Variants in MEG3 observed in about 807,000 individuals in gnomAD.
MEG3 encodes maternally expressed 3.
At chr14:100,852,935 C>T (rs1189546368), upstream of MEG3, 1 of 155,046 alleles carries the variant, frequency 6.4e-6, no homozygotes, top group Non-Finnish European at 1.4e-5. Flanking sequence ...TTCTGTGTGT[C>T]CTTTTGGAAA....
chr14:100,855,986 T>C (rs1179130373), upstream of MEG3: 1 of 152,146 alleles, frequency 6.6e-6, no homozygotes, highest in Non-Finnish European at 1.5e-5. Flanking sequence ...GGTTCCAAGA[T>C]GAGTGGCTGC....
chr14:100,838,563 A>G (rs2037658308), intron 2 of MEG3, among the ~76,000 whole-genome samples: 1 of 152,240 alleles, frequency 6.6e-6, no homozygotes, highest in South Asian at 2.1e-4. Context: ...CCTGAGCCAT[A>G]GCGGGTGGAG....
At chr14:100,855,008 TCA>T (rs1281649523), upstream of MEG3, 1 of 152,688 alleles carries the variant, frequency 6.5e-6, no homozygotes, top group Non-Finnish European at 1.5e-5. Context: ...CACAGGTCAG[TCA>T]CAGCCATTTA....
Position 100,845,622 on chromosome 14 carries a change from G to A in MEG3, n.3121+89G>A, listed in dbSNP as rs1425718906. The A allele has an allele frequency of 1.5e-5, 6 of 406,870 alleles. No homozygotes were observed. Among genetic ancestry groups the A allele is most frequent in the South Asian group, 3.5e-5 (2 of 56,588 alleles). The allele number at this position is 406,870 out of a possible 1,614,324, so 25.2% of individuals were successfully genotyped here. On this transcript the variant is annotated intron_variant and non_coding_transcript_variant, in intron 3 of 3. Coordinates refer to the MEG3 transcript ENST00000398461. This position sits in a 1 kb window ranked among gnomAD's most constrained non-coding sequence, Gnocchi z 5.2. Reference sequence around the variant, plus strand: ...CGGAGCACACCGCCAGGCGGACCTCGTGGAGGGGCTGGCGGGCACTGGCCG... The same window carrying A: ...CGGAGCACACCGCCAGGCGGACCTCATGGAGGGGCTGGCGGGCACTGGCCG...
At chr14:100,836,008 T>C in intron 1 of MEG3, 1 of 349,098 alleles carries the variant, frequency 2.9e-6, no homozygotes. Context: ...CCGTTGCTGC[T>C]TTGCACCTTT....
Position 100,836,086 on chromosome 14 carries a change from G to T in MEG3, n.2912-81G>T, listed in dbSNP as rs189014857. 1.8e-5 allele frequency: 7 copies of T among 393,214 alleles called. No homozygotes were observed. The East Asian group carries it at 4.4e-4, about 25-fold the overall frequency. 24.4% of individuals were successfully genotyped at this position (393,214 alleles called of 1,614,324 possible). On this transcript the variant is annotated intron_variant and non_coding_transcript_variant, in intron 1 of 3. Transcript: ENST00000398461. ...AAAAGTAAACTGCAGGTGAGGCCGT[G>T]CCCCGAGTCTTTCTTCGGTGTGTTT... is the stretch of plus-strand genomic sequence containing the variant.
intron 3 of MEG3, chr14:100,849,659 G>C (rs753303096): frequency 6.6e-6 from 1 of 152,344 alleles, no homozygotes; most frequent in Non-Finnish European, 1.5e-5. Context: ...ACGAATACGT[G>C]GGTGTATCTG....
At chr14:100,843,474 G>A (rs954021937) in intron 2 of MEG3, among the ~76,000 whole-genome samples, 3 of 152,038 alleles carry the variant, frequency 2.0e-5, no homozygotes, top group East Asian at 1.9e-4. Flanking sequence ...AACCGAAGTC[G>A]GCCCCTCAGT....
chr14:100,834,709 G>A (rs780401873), exon 1 of MEG3: 1 of 456,570 alleles, frequency 2.2e-6, no homozygotes, highest in East Asian at 6.9e-5. Flanking sequence ...GCCTGGCACA[G>A]AGTGGGGCTC....
chr14:100,831,164 T>C (rs2037386463), downstream of MEG3: 2 of 152,994 alleles, frequency 1.3e-5, no homozygotes, highest in East Asian at 3.9e-4. Flanking sequence ...CACAACTCCC[T>C]GTCCTGAGCC....
At chr14:100,855,365 C>T (rs1221971497), upstream of MEG3, 2 of 152,158 alleles carry the variant, frequency 1.3e-5, no homozygotes, top group Non-Finnish European at 2.9e-5. Flanking sequence ...GTAGCTGCCT[C>T]CTCCGGGGTT....
chr14:100,837,788 A>T lies in MEG3; in HGVS notation n.3045+1488A>T, dbSNP rs920247445. Among the ~76,000 whole-genome samples, 3 of 151,974 alleles carry T rather than the reference A, an allele frequency of 2.0e-5. No homozygotes were observed. Among genetic ancestry groups the T allele is most frequent in the African/African-American group, 7.3e-5 (3 of 41,360 alleles). On this transcript the variant is annotated intron_variant and non_coding_transcript_variant, in intron 2 of 3. Transcript: ENST00000398461. The surrounding 1 kb of genome is among the most constrained non-coding windows in gnomAD (Gnocchi z 5.8). ...ACTTCTCCCCTGAAATTGAAATGGGATGGGGATATTATTTTTAAACAAAAT... is the reference window on the plus strand; with the variant it reads ...ACTTCTCCCCTGAAATTGAAATGGGTTGGGGATATTATTTTTAAACAAAAT...
chr14:100,840,493 G>A (rs532720732), intron 2 of MEG3, among the ~76,000 whole-genome samples: 1 of 123,974 alleles, frequency 8.1e-6, no homozygotes, highest in Non-Finnish European at 1.8e-5. Context: ...TCAATGGAAG[G>A]TGCCTTTTTT....
chr14:100,829,373 T>C (rs1244574078), downstream of MEG3: 1 of 152,158 alleles, frequency 6.6e-6, no homozygotes, highest in Admixed American at 6.5e-5. Flanking sequence ...AAGGATCCCT[T>C]TGGGAAATTC....
chr14:100,852,585 C>G, upstream of MEG3: 3 of 362,420 alleles, frequency 8.3e-6, no homozygotes, highest in South Asian at 6.1e-5. Flanking sequence ...GAAGCTTCTC[C>G]CTGACAAGCT....
At chr14:100,850,806 C>T (rs1412324427) in intron 3 of MEG3, 3 of 152,128 alleles carry the variant, frequency 2.0e-5, no homozygotes, top group Non-Finnish European at 4.4e-5. Flanking sequence ...TTACTGAAGT[C>T]CATAAACAAA....
At position 100,846,773 on chromosome 14, in the gene MEG3, T is replaced by C. The variant is rs565200337; in HGVS notation, n.3121+1240T>C. On this transcript the variant is annotated intron_variant and non_coding_transcript_variant, in intron 3 of 3. Transcript: ENST00000398461. ...AGAAAAAAACCAGTGAATCACTAAG[T>C]AATAGGGCAACACACAAAGCGATAT... The C allele has an allele frequency of 2.0e-4, 30 of 152,292 alleles. No homozygotes were observed. The Middle Eastern group carries it at 0.01, about 52-fold the overall frequency. 9.4% of individuals were successfully genotyped at this position (152,292 alleles called of 1,614,324 possible). A position where few individuals can be genotyped will look rare whatever the true frequency, so the allele number is the denominator to read the frequency against.
At chr14:100,847,808 T>A (rs1250274532) in intron 3 of MEG3, 1 of 152,016 alleles carries the variant, frequency 6.6e-6, no homozygotes, top group East Asian at 1.9e-4. Flanking sequence ...TAAAAAGAAA[T>A]AACAACCAAA....
intron 1 of MEG3, among the ~76,000 whole-genome samples, chr14:100,828,140 G>C (rs560523668): frequency 6.6e-6 from 1 of 152,166 alleles, no homozygotes; most frequent in South Asian, 2.1e-4. Context: ...CCTGAGACCT[G>C]TTGGGCACCC....
Sources: gnomAD v4.1 joint callset for allele counts (sites outside exome capture counted in the v4.1 genomes callset) on GRCh38, gnomAD v4.1.1 for gene constraint, Gnocchi (gnomAD v3.1) non-coding constraint, MANE v1.5 for transcripts, NCBI Gene and HGNC (gene_info 2026-07-23, HGNC 2026-07-21) for gene names.